Variants in CFDP1 observed in about 807,000 individuals in gnomAD.
CFDP1 encodes the protein heterochromatin-stabilizing protein CFDP1.
A neutral mutation model predicts 40.1 loss-of-function variants in CFDP1; 31 were observed. That is an observed-to-expected ratio of 0.77 (90% CI 0.58 to 1.04). The LOEUF (loss-of-function observed/expected upper bound fraction) is 1.04, where lower values mean the gene tolerates loss of function less well. Ranked by LOEUF, CFDP1 falls within the 50% of genes least tolerant of loss-of-function variation. CFDP1 has a pLI of 0.00. For synonymous variants in CFDP1, 167 were observed against 120.0 expected, an observed-to-expected ratio of 1.39 and a Z score of -2.56; for missense variants, 423 against 343.4, an observed-to-expected ratio of 1.23 and a Z score of -1.83.
intron 1 of CFDP1, among the ~76,000 whole-genome samples, chr16:75,430,304 G>A (rs1366744862): frequency 6.6e-6 from 1 of 151,880 alleles, no homozygotes; most frequent in African/African-American, 2.4e-5. Context: ...GGAGTAGCTG[G>A]GATTACAGGC....
At chr16:75,342,228 CTGG>C (rs1267732885) in intron 5 of CFDP1, among the ~76,000 whole-genome samples, 3 of 152,156 alleles carry the variant, frequency 2.0e-5, no homozygotes, top group Non-Finnish European at 4.4e-5. Flanking sequence ...GTAGAGAACA[CTGG>C]TGCTTTTGAA....
intron 6 of CFDP1, among the ~76,000 whole-genome samples, chr16:75,296,050 C>A (rs969677959): frequency 2.0e-5 from 3 of 152,132 alleles, no homozygotes; most frequent in Admixed American, 1.3e-4. Flanking sequence ...TGCACTTTAA[C>A]TGTCCCCTGG....
chr16:75,431,552 C>G (rs889333838), intron 1 of CFDP1, among the ~76,000 whole-genome samples: 2 of 150,748 alleles, frequency 1.3e-5, no homozygotes, highest in Non-Finnish European at 3.0e-5. Context: ...TGAGGCAGAA[C>G]TGCTTGAACC....
At chr16:75,357,369 C>T (rs952936681) in intron 5 of CFDP1, among the ~76,000 whole-genome samples, 3 of 152,120 alleles carry the variant, frequency 2.0e-5, no homozygotes, top group Admixed American at 6.5e-5. Flanking sequence ...ATTCTCCTAC[C>T]TCAGCCTCCT....
At chr16:75,426,287 T>A (rs901145047) in intron 1 of CFDP1, among the ~76,000 whole-genome samples, 3 of 151,550 alleles carry the variant, frequency 2.0e-5, no homozygotes, top group African/African-American at 7.3e-5. Context: ...GAGGCGGAGG[T>A]TGCAGTGAGC....
chr16:75,325,203 T>C (rs550733594), intron 5 of CFDP1, among the ~76,000 whole-genome samples: 19 of 152,332 alleles, frequency 1.2e-4, no homozygotes, highest in African/African-American at 4.6e-4. Context: ...CTGCTCTGCC[T>C]ATAGCCTTGC....
chr16:75,293,919 A>G lies in CFDP1; in HGVS notation c.*33T>C. ...CGCACAAAAAGCTCACATTGTAAAC[A>G]GGATTAAGCTGCTCTTGATTTAGCC... On this transcript the variant is annotated 3_prime_UTR_variant, in exon 7 of 7. Coordinates refer to ENST00000283882, the MANE Select transcript of CFDP1 (RefSeq NM_006324.3). 1 of 1,546,154 alleles carries G rather than the reference A, an allele frequency of 6.5e-7. No homozygotes were observed. The highest frequency in any genetic ancestry group is 1.4e-5 in the African/African-American group (1 of 73,724).
intron 1 of CFDP1, among the ~76,000 whole-genome samples, chr16:75,416,951 C>G (rs908693493): frequency 6.6e-6 from 1 of 152,080 alleles, no homozygotes; most frequent in Non-Finnish European, 1.5e-5. Context: ...AGACAGCAAT[C>G]TGAACATAGA....
chr16:75,374,427 C>G, intron 5 of CFDP1, among the ~76,000 whole-genome samples: 1 of 151,920 alleles, frequency 6.6e-6, no homozygotes, highest in Admixed American at 6.6e-5. Flanking sequence ...ATAAAAAACA[C>G]TTATATGTGA....
intron 6 of CFDP1, among the ~76,000 whole-genome samples, chr16:75,303,400 A>AATGAATGTATGTATGTATGTATGT (rs55834001): frequency 0.04 from 5,862 of 146,132 alleles, 149 homozygotes; most frequent in Admixed American, 0.061. Flanking sequence ...TAAATAAATA[A>AATGAATGTATGTATGTATGTATGT]ATGTATGTAT....
intron 5 of CFDP1, among the ~76,000 whole-genome samples, chr16:75,371,987 C>T (rs1393709866): frequency 6.6e-6 from 1 of 152,142 alleles, no homozygotes; most frequent in Admixed American, 6.5e-5. Flanking sequence ...TGTAGTGACA[C>T]CTTATCTCAT....
intron 1 of CFDP1, among the ~76,000 whole-genome samples, chr16:75,429,047 G>A (rs935284635): frequency 6.6e-6 from 1 of 151,864 alleles, no homozygotes; most frequent in African/African-American, 2.4e-5. Context: ...AACCCGGGAA[G>A]TGGAGGTTGC....
At chr16:75,348,511 T>C (rs770167898) in intron 5 of CFDP1, among the ~76,000 whole-genome samples, 6 of 152,192 alleles carry the variant, frequency 3.9e-5, no homozygotes, top group Non-Finnish European at 8.8e-5. Flanking sequence ...TTGTGGCTCA[T>C]CTTGAATGGG....
At chr16:75,378,986 T>A (rs2078828100) in intron 5 of CFDP1, among the ~76,000 whole-genome samples, 1 of 151,608 alleles carries the variant, frequency 6.6e-6, no homozygotes, top group Admixed American at 6.6e-5. Flanking sequence ...ACAATACACT[T>A]CTAAATAATG....
chr16:75,397,475 C>T (rs1017423089), intron 4 of CFDP1, among the ~76,000 whole-genome samples: 2 of 151,932 alleles, frequency 1.3e-5, no homozygotes, highest in African/African-American at 4.8e-5. Flanking sequence ...CACTGCACTC[C>T]AGCCCTGACA....
chr16:75,361,563 G>C (rs1477474456), intron 5 of CFDP1, among the ~76,000 whole-genome samples: 1 of 152,086 alleles, frequency 6.6e-6, no homozygotes, highest in Non-Finnish European at 1.5e-5. Flanking sequence ...GTTGCTGTGA[G>C]CTGAGATCAT....
At chr16:75,302,541 G>C (rs975520754) in intron 6 of CFDP1, among the ~76,000 whole-genome samples, 3 of 152,190 alleles carry the variant, frequency 2.0e-5, no homozygotes, top group African/African-American at 7.2e-5. Context: ...GTGAGCCACT[G>C]CTCCCAACAC....
intron 5 of CFDP1, among the ~76,000 whole-genome samples, chr16:75,316,524 C>T (rs541721135): frequency 5.1e-4 from 70 of 136,024 alleles, no homozygotes; most frequent in African/African-American, 1.8e-3. Flanking sequence ...AAGCTGTTAT[C>T]GTGCCACTGC....
chr16:75,340,779 T>C (rs754903804), intron 5 of CFDP1, among the ~76,000 whole-genome samples: 30 of 152,366 alleles, frequency 2.0e-4, no homozygotes, highest in Non-Finnish European at 3.8e-4. Context: ...AACTTATAAA[T>C]GAGAGGAATG....
Sources: allele counts gnomAD v4.1 joint callset (sites outside exome capture counted in the v4.1 genomes callset), GRCh38; gene constraint gnomAD v4.1.1; transcripts MANE v1.5; gene names NCBI Gene and HGNC (gene_info 2026-07-23, HGNC 2026-07-21).